The following GNPAT variants were observed in gnomAD, a reference collection of about 807,000 sequenced individuals.
GNPAT encodes dihydroxyacetone phosphate acyltransferase.
GNPAT carries 30 observed loss-of-function variants against 78.4 expected under a neutral mutation model. The ratio of observed to expected loss-of-function variants is 0.38; its 90% confidence interval spans 0.29 to 0.52. The LOEUF (loss-of-function observed/expected upper bound fraction) is 0.52. Among genes scored for constraint, GNPAT ranks in the 20% least tolerant of loss-of-function variants. The pLI is 0.84. For synonymous variants in GNPAT, 271 were observed against 281.1 expected (o/e 0.96, Z 0.36); for missense variants, 714 against 812.2 (o/e 0.88, Z 1.47).
chr1:231,253,799 G>A (rs183941302), intron 2 of GNPAT, among the ~76,000 whole-genome samples: 7 of 152,232 alleles, frequency 4.6e-5, no homozygotes, highest in Admixed American at 1.3e-4. Context: ...TTTCACTGCC[G>A]TATTCCCAGT....
intron 2 of GNPAT, among the ~76,000 whole-genome samples, chr1:231,253,591 C>T (rs758804610): frequency 2.1e-4 from 32 of 152,132 alleles, no homozygotes; most frequent in Non-Finnish European, 3.7e-4. Flanking sequence ...TTTTTATTGG[C>T]CTTACATATC....
At chr1:231,271,420 A>G (rs549462186) in intron 10 of GNPAT, among the ~76,000 whole-genome samples, 2 of 152,236 alleles carry the variant, frequency 1.3e-5, no homozygotes, top group East Asian at 3.9e-4. Context: ...TTGTATCAGG[A>G]GTATAAAAAT....
chr1:231,249,455 T>A, intron 1 of GNPAT, among the ~76,000 whole-genome samples: 1 of 152,260 alleles, frequency 6.6e-6, no homozygotes, highest in Non-Finnish European at 1.5e-5. Flanking sequence ...ACATTTCATC[T>A]TTCAGTTATT....
chr1:231,273,802 T>C (rs1375068456), intron 11 of GNPAT, 120 bp from the exon 12 acceptor site: 11 of 782,896 alleles, frequency 1.4e-5, no homozygotes, highest in Non-Finnish European at 2.0e-5. Flanking sequence ...TGAGGGCATG[T>C]GGCTGCATAT....
chr1:231,272,627 A>G (rs374371195), intron 11 of GNPAT, among the ~76,000 whole-genome samples: 2 of 152,232 alleles, frequency 1.3e-5, no homozygotes, highest in African/African-American at 4.8e-5. Flanking sequence ...TCTTTGAACT[A>G]TCAGTGTGGC....
Position 231,262,840 on chromosome 1 carries a change from G to A in GNPAT, c.556G>A (p.Ala186Thr). ...TTATGATTTGCCTGTGCCAGTTATA[G>A]CAGCAGGAATGGGTATGTATTGTTT... ...YNYDLPVPVI[A>T]AGMDFLGMKM... Residue 186 changes from alanine to threonine, a missense_variant, in exon 4 of 16, where the codon GCA becomes ACA. Ala to Thr is a moderately conservative substitution (Grantham distance 58). Transcript: ENST00000366647. The A allele has an allele frequency of 1.2e-6, 2 of 1,612,222 alleles. No homozygotes were observed. The highest frequency in any genetic ancestry group is 1.7e-6 in the Non-Finnish European group (2 of 1,178,352).
chr1:231,249,958 TG>T (rs1056352629), intron 1 of GNPAT, among the ~76,000 whole-genome samples: 4 of 151,982 alleles, frequency 2.6e-5, no homozygotes, highest in Admixed American at 1.3e-4. Context: ...ATAAAAAATT[TG>T]TCACAGGCCA....
At chr1:231,271,965 C>T (rs1389739685) in intron 10 of GNPAT, among the ~76,000 whole-genome samples, 4 of 152,014 alleles carry the variant, frequency 2.6e-5, no homozygotes, top group East Asian at 1.9e-4. Context: ...CTGGGCATGG[C>T]GGCGAGTGCC....
At chr1:231,244,391 T>C (rs1018650274) in intron 1 of GNPAT, among the ~76,000 whole-genome samples, 1 of 152,134 alleles carries the variant, frequency 6.6e-6, no homozygotes, top group Non-Finnish European at 1.5e-5. Context: ...AATTGATGAA[T>C]TTATGTGATA....
chr1:231,243,543 TG>T (rs1191774796), intron 1 of GNPAT, among the ~76,000 whole-genome samples: 1 of 152,172 alleles, frequency 6.6e-6, no homozygotes, highest in East Asian at 1.9e-4. Flanking sequence ...AGGCCGGTCT[TG>T]AACTCCTGAC....
intron 1 of GNPAT, 51 bp downstream of exon 1, chr1:231,241,507 CCCT>C (rs747235212): frequency 7.8e-7 from 1 of 1,283,862 alleles, no homozygotes; most frequent in Non-Finnish European, 1.1e-6. Flanking sequence ...GAAATAGTAC[CCCT>C]TTCTCCCAGT....
At chr1:231,272,899 C>T (rs560416120) in intron 11 of GNPAT, among the ~76,000 whole-genome samples, 13 of 152,166 alleles carry the variant, frequency 8.5e-5, no homozygotes, top group East Asian at 3.9e-4. Context: ...CACTTGAACC[C>T]GGGAGGTGGA....
rs1004550976 is a variant in GNPAT, at chr1:231,267,824, G to A, written c.1200G>A (p.Met400Ile). 3.1e-6 allele frequency: 5 copies of A among 1,613,804 alleles called. No individual in the cohort carries two copies. In the Admixed American group the frequency reaches 6.7e-5, roughly 22 times the overall value. ...VAVLLQNRPS[M>I]DFDALVEKTL... is the part of the protein sequence containing the mutation. ...TTCTGCTTCAGAACCGGCCATCCATGGACTTTGATGCTCTGGTGGAAAAGA... is the reference window on the plus strand; with the variant it reads ...TTCTGCTTCAGAACCGGCCATCCATAGACTTTGATGCTCTGGTGGAAAAGA... The change falls in exon 9 of 16, where the codon ATG (methionine) becomes ATA (isoleucine). Residue 400 changes from methionine to isoleucine, a missense_variant. Physicochemically the swap from Met to Ile is conservative, Grantham distance 10. Transcript: ENST00000366647.
At chr1:231,252,717 T>G (rs1684932599) in intron 2 of GNPAT, among the ~76,000 whole-genome samples, 1 of 152,110 alleles carries the variant, frequency 6.6e-6, no homozygotes. Context: ...TTTTTTTTTC[T>G]TTTGGTCCTC....
At position 231,276,167 on chromosome 1, in the gene GNPAT, C is replaced by T; in HGVS notation, c.1970C>T (p.Pro657Leu). The change falls in exon 15 of 16, where the codon CCT becomes CTT. Residue 657 changes from proline to leucine, a missense_variant. Coordinates refer to ENST00000366647, the MANE Select transcript of GNPAT (RefSeq NM_014236.4). The part of the protein sequence containing the change: ...NNNCIFNVNE[P>L]ATTKLEEMLG... The stretch of plus-strand genomic sequence containing the variant: ...AACTGTATATTTAATGTGAATGAAC[C>T]TGCCACAACCAAATTAGAAGAAATG... 1 of 1,426,204 alleles carries T rather than the reference C, an allele frequency of 7.0e-7. No individual in the cohort carries two copies. Among genetic ancestry groups the T allele is most frequent in the Non-Finnish European group, 9.9e-7 (1 of 1,010,300 alleles). The allele number at this position is 1,426,204 out of a possible 1,614,324, so 88.3% of individuals were successfully genotyped here. A position where few individuals can be genotyped will look rare whatever the true frequency, so the allele number is the denominator to read the frequency against.
chr1:231,272,373 TC>T lies in GNPAT; in HGVS notation c.1586del (p.Pro529GlnfsTer5). The T allele has an allele frequency of 6.4e-7, 1 of 1,572,924 alleles. No individual in the cohort carries two copies. Among genetic ancestry groups the T allele is most frequent in the Non-Finnish European group, 8.7e-7 (1 of 1,143,290 alleles). On this transcript the variant is annotated frameshift_variant, in exon 11 of 16. Transcript: ENST00000366647. LOFTEE classifies it high-confidence loss of function. ...DVFADEFIFL[P>X]GNTLKDFEEG... ...TTTTTGCAGATGAGTTCATCTTCCT[TC>T]CAGGAAACACACTAAAGGTAAAGTG...
chr1:231,275,066 G>C, intron 12 of GNPAT, 155 bp from the exon 13 acceptor site: 1 of 617,066 alleles, frequency 1.6e-6, no homozygotes, highest in South Asian at 1.9e-5. Context: ...AAAATTCTTT[G>C]GTTTTTCTGG....
chr1:231,255,047 C>G (rs1415273777), intron 2 of GNPAT, among the ~76,000 whole-genome samples: 1 of 152,078 alleles, frequency 6.6e-6, no homozygotes, highest in Admixed American at 6.6e-5. Context: ...GCCACTGCCC[C>G]CAACCACAAA....
intron 10 of GNPAT, among the ~76,000 whole-genome samples, chr1:231,271,668 T>G (rs2102824299): frequency 6.6e-6 from 1 of 152,200 alleles, no homozygotes; most frequent in Middle Eastern, 3.4e-3. Context: ...AATATGAATA[T>G]AGAGGGAAAT....
Sources: allele counts gnomAD v4.1 joint callset (sites outside exome capture counted in the v4.1 genomes callset), GRCh38; gene constraint gnomAD v4.1.1; transcripts MANE v1.5; gene names NCBI Gene and HGNC (gene_info 2026-07-23, HGNC 2026-07-21).